Variants in MPZL1 observed in about 807,000 individuals in gnomAD.
MPZL1 encodes the protein myelin protein zero like 1, also known as myelin protein zero-like protein 1.
MPZL1 carries 16 observed loss-of-function variants against 29.3 expected under a neutral mutation model. That is an observed-to-expected ratio of 0.55 (90% CI 0.37 to 0.83). The LOEUF is 0.83. MPZL1 is among the 40% of genes least tolerant of loss of function. MPZL1 has a pLI of 0.00. For synonymous variants in MPZL1, 143 were observed against 132.0 expected, an observed-to-expected ratio of 1.08 and a Z score of -0.57; for missense variants, 279 against 332.9, an observed-to-expected ratio of 0.84 and a Z score of 1.26.
chr1:167,756,101 G>A (rs1304484883), intron 1 of MPZL1, among the ~76,000 whole-genome samples: 2 of 152,126 alleles, frequency 1.3e-5, no homozygotes, highest in South Asian at 2.1e-4. Context: ...GATCATGAGC[G>A]GAAGGAATTG....
chr1:167,763,572 G>T lies in MPZL1; in HGVS notation c.92-2011G>T, dbSNP rs1028287808. 2.2e-4 allele frequency among the ~76,000 whole-genome samples: 33 copies of T among 152,064 alleles called. 2 individuals carry two copies. Among genetic ancestry groups the T allele is most frequent in the Non-Finnish European group, 2.9e-5 (2 of 68,024 alleles). On this transcript the variant is annotated intron_variant, in intron 1 of 5. Coordinates refer to ENST00000359523, the MANE Select transcript of MPZL1 (RefSeq NM_003953.6). ...TATTTATAGACTTTTAGAGACTGTGGCTTTCCAGTACTCATCACCATGGAG... is the reference window on the plus strand; with the variant it reads ...TATTTATAGACTTTTAGAGACTGTGTCTTTCCAGTACTCATCACCATGGAG...
At chr1:167,738,182 C>G (rs1367938984) in intron 1 of MPZL1, among the ~76,000 whole-genome samples, 1 of 152,098 alleles carries the variant, frequency 6.6e-6, no homozygotes, top group Non-Finnish European at 1.5e-5. Flanking sequence ...CCTCGGCCTC[C>G]CAAAGTGCTA....
In MPZL1 at chr1:167,788,447, T is replaced by A. The variant is rs1661635420; in HGVS notation, c.*526T>A. 6.5e-6 allele frequency: 1 copy of A among 152,672 alleles called. No homozygotes were observed. The highest frequency in any genetic ancestry group is 1.5e-5 in the Non-Finnish European group (1 of 68,160). The allele number at this position is 152,672 out of a possible 1,614,324, so 9.5% of individuals were successfully genotyped here. A position where few individuals can be genotyped will look rare whatever the true frequency, so the allele number is the denominator to read the frequency against. ...TCTGCCGCTTTTAAAAAATACCCAT[T>A]GGCTATGCCACTTGAAAACAATTTG... On this transcript the variant is annotated 3_prime_UTR_variant, in exon 6 of 6. Transcript: ENST00000359523.
chr1:167,748,490 G>A (rs1660693102), intron 1 of MPZL1, among the ~76,000 whole-genome samples: 1 of 152,082 alleles, frequency 6.6e-6, no homozygotes, highest in Non-Finnish European at 1.5e-5. Context: ...TTTAATCTTT[G>A]CAATGTTGAT....
At chr1:167,736,046 A>G (rs1285413383) in intron 1 of MPZL1, among the ~76,000 whole-genome samples, 1 of 152,272 alleles carries the variant, frequency 6.6e-6, no homozygotes, top group East Asian at 1.9e-4. Flanking sequence ...CAAATCAACT[A>G]ACCTGTTTCA....
intron 1 of MPZL1, among the ~76,000 whole-genome samples, chr1:167,737,029 C>A (rs1022290631): frequency 6.6e-5 from 10 of 152,190 alleles, no homozygotes; most frequent in African/African-American, 2.4e-4. Flanking sequence ...CCCTTATTTA[C>A]CTGGCTAACT....
rs1661374859 is a variant in MPZL1 at position 167,776,652 on chromosome 1, GC to G, written c.708+487del. On this transcript the variant is annotated intron_variant, in intron 5 of 5. Coordinates refer to ENST00000359523, the MANE Select transcript of MPZL1 (RefSeq NM_003953.6). ...AAGCATTTATCTGAATAATTAATAGGCTTGATGAACAAGGAATGGTTTTGGT... is the reference window on the plus strand; with the variant it reads ...AAGCATTTATCTGAATAATTAATAGGTTGATGAACAAGGAATGGTTTTGGT... Among the ~76,000 whole-genome samples, 3 of 152,150 alleles carry G rather than the reference GC, an allele frequency of 2.0e-5. No homozygotes were observed. In the South Asian group the frequency reaches 6.2e-4, roughly 32 times the overall value.
intron 1 of MPZL1, among the ~76,000 whole-genome samples, chr1:167,739,343 C>T (rs570314243): frequency 1.3e-4 from 15 of 119,724 alleles, no homozygotes; most frequent in Non-Finnish European, 2.1e-4. Flanking sequence ...TCTTTCTTGG[C>T]GTTCCTGCTG....
chr1:167,724,041 T>TG (rs1660094089), intron 1 of MPZL1, among the ~76,000 whole-genome samples: 1 of 152,178 alleles, frequency 6.6e-6, no homozygotes, highest in African/African-American at 2.4e-5. Flanking sequence ...GTGATTCCTC[T>TG]GCCTTTTCCT....
At chr1:167,764,792 A>G (rs79418667) in intron 1 of MPZL1, among the ~76,000 whole-genome samples, 7,045 of 151,508 alleles carry the variant, frequency 0.046, 539 homozygotes, top group African/African-American at 0.16. Context: ...TACAATTTGT[A>G]TATTATTCAG....
chr1:167,753,163 T>A (rs1660791497), intron 1 of MPZL1, among the ~76,000 whole-genome samples: 1 of 152,054 alleles, frequency 6.6e-6, no homozygotes, highest in South Asian at 2.1e-4. Context: ...TCAGGTGGAG[T>A]CTTGAAATTC....
intron 1 of MPZL1, among the ~76,000 whole-genome samples, chr1:167,726,872 A>G (rs1403621408): frequency 1.3e-5 from 2 of 152,214 alleles, no homozygotes; most frequent in African/African-American, 4.8e-5. Flanking sequence ...ATGAACACCT[A>G]CTGGGCACAA....
chr1:167,753,636 T>C (rs962955351), intron 1 of MPZL1, among the ~76,000 whole-genome samples: 3 of 152,096 alleles, frequency 2.0e-5, no homozygotes, highest in Non-Finnish European at 4.4e-5. Context: ...ATTTCTTTTT[T>C]TTTTTTTGAG....
intron 3 of MPZL1, among the ~76,000 whole-genome samples, chr1:167,772,872 T>G (rs1252207801): frequency 6.6e-6 from 1 of 152,218 alleles, no homozygotes; most frequent in Non-Finnish European, 1.5e-5. Flanking sequence ...AACAGCACAG[T>G]TATTTCTTCC....
rs1391138354 is a variant in MPZL1 at position 167,790,720 on chromosome 1, A to G, written c.*2799A>G. ...ATTTCAAACTATCTCTAGTTTTTCA[A>G]TGGAAATATATCAGCTAGGGAAAAA... On this transcript the variant is annotated 3_prime_UTR_variant, in exon 6 of 6. Transcript: ENST00000359523. 1.3e-5 allele frequency: 2 copies of G among 152,208 alleles called. No homozygotes were observed. The highest frequency in any genetic ancestry group is 1.5e-5 in the Non-Finnish European group (1 of 68,034). 9.4% of individuals were successfully genotyped at this position (152,208 alleles called of 1,614,324 possible). A position where few individuals can be genotyped will look rare whatever the true frequency, so the allele number is the denominator to read the frequency against.
intron 1 of MPZL1, among the ~76,000 whole-genome samples, chr1:167,749,534 G>A (rs1476836301): frequency 6.6e-6 from 1 of 152,144 alleles, no homozygotes; most frequent in East Asian, 1.9e-4. Flanking sequence ...ACAAAAAAAG[G>A]CTAATAGGAA....
At chr1:167,753,235 G>A (rs1453456787) in intron 1 of MPZL1, among the ~76,000 whole-genome samples, 1 of 152,208 alleles carries the variant, frequency 6.6e-6, no homozygotes, top group African/African-American at 2.4e-5. Flanking sequence ...AGGTAAGCTG[G>A]CTGCGTGGCA....
At chr1:167,730,750 G>C (rs1032985701) in intron 1 of MPZL1, among the ~76,000 whole-genome samples, 2 of 152,322 alleles carry the variant, frequency 1.3e-5, no homozygotes, top group Admixed American at 6.5e-5. Flanking sequence ...TTTGAGATGA[G>C]TTCTTCTCTG....
intron 2 of MPZL1, chr1:167,765,951 A>G (rs1015528661): frequency 1.0e-5 from 4 of 389,572 alleles, no homozygotes; most frequent in African/African-American, 2.1e-5. Context: ...GTCTTTGATC[A>G]GTTCCTCTCC....
Sources: gnomAD v4.1 joint callset for allele counts (sites outside exome capture counted in the v4.1 genomes callset) on GRCh38, gnomAD v4.1.1 for gene constraint, MANE v1.5 for transcripts, NCBI Gene and HGNC (gene_info 2026-07-23, HGNC 2026-07-21) for gene names.